ASTN2: variants seen among roughly 807,000 people sequenced by gnomAD.
ASTN2 encodes astrotactin 2.
In ASTN2, 54 loss-of-function variants were observed where a neutral mutation model predicts 139.8. The ratio of observed to expected loss-of-function variants is 0.39; its 90% CI spans 0.31 to 0.48. ASTN2 has a LOEUF of 0.48. Ranked by LOEUF, ASTN2 falls within the 20% of genes least tolerant of loss-of-function variation. ASTN2 has a pLI of 0.95. For synonymous variants in ASTN2, 756 were observed against 719.5 expected, an observed-to-expected ratio of 1.05 and a Z score of -0.81; for missense variants, 1,565 against 1,725.1, an observed-to-expected ratio of 0.91 and a Z score of 1.64.
At chr9:116,983,743 G>A (rs1364608908) in intron 7 of ASTN2, among the ~76,000 whole-genome samples, 2 of 152,156 alleles carry the variant, frequency 1.3e-5, no homozygotes, top group African/African-American at 4.8e-5. Context: ...AATAATCAAA[G>A]TTGGAAATAT....
At chr9:117,155,425 G>A (rs766238423) in intron 3 of ASTN2, among the ~76,000 whole-genome samples, 7 of 151,936 alleles carry the variant, frequency 4.6e-5, no homozygotes, top group Non-Finnish European at 8.8e-5. Context: ...ACGGGTGGAC[G>A]GGTCTTGAAG....
intron 2 of ASTN2, among the ~76,000 whole-genome samples, chr9:117,244,204 T>G (rs1350834471): frequency 6.6e-6 from 1 of 152,204 alleles, no homozygotes; most frequent in Non-Finnish European, 1.5e-5. Flanking sequence ...TGTGAGTCAA[T>G]TAAAATTCCC....
intron 16 of ASTN2, among the ~76,000 whole-genome samples, chr9:116,676,195 C>CA (rs1452859594): frequency 6.6e-6 from 1 of 152,016 alleles, no homozygotes; most frequent in African/African-American, 2.4e-5. Context: ...GATATGCCAG[C>CA]AAAAAGGGTA....
At chr9:117,256,141 C>T (rs766447819) in intron 2 of ASTN2, among the ~76,000 whole-genome samples, 17 of 152,204 alleles carry the variant, frequency 1.1e-4, no homozygotes, top group East Asian at 9.7e-4. Flanking sequence ...TTTGATGATG[C>T]GGAATGGGGA....
intron 10 of ASTN2, among the ~76,000 whole-genome samples, chr9:116,900,531 C>A (rs943243900): frequency 4.6e-5 from 7 of 152,202 alleles, no homozygotes; most frequent in African/African-American, 1.7e-4. Flanking sequence ...GCTTAACCCT[C>A]AGAAATGAAA....
chr9:116,820,837 A>G, intron 11 of ASTN2, 54 bp from the exon 12 acceptor site: 5 of 1,533,734 alleles, frequency 3.3e-6, no homozygotes, highest in Non-Finnish European at 4.4e-6. Flanking sequence ...TGTAGGCCCC[A>G]TCACACCCTC....
At chr9:116,607,814 A>C (rs1391543309) in intron 19 of ASTN2, among the ~76,000 whole-genome samples, 1 of 152,056 alleles carries the variant, frequency 6.6e-6, no homozygotes, top group Non-Finnish European at 1.5e-5. Flanking sequence ...ACAAAAAATT[A>C]GCCAGGCATG....
chr9:116,610,651 C>A (rs375018964), intron 19 of ASTN2, among the ~76,000 whole-genome samples: 2 of 151,926 alleles, frequency 1.3e-5, no homozygotes, highest in Non-Finnish European at 2.9e-5. Context: ...GACTTTAACA[C>A]TAATCAAAAG....
intron 1 of ASTN2, among the ~76,000 whole-genome samples, chr9:117,344,202 C>T (rs1207504455): frequency 6.6e-6 from 1 of 152,090 alleles, no homozygotes; most frequent in Non-Finnish European, 1.5e-5. Context: ...AAACCCATCC[C>T]CAAAAGCAGC....
At chr9:116,815,828 A>AAAAAAAAAAAAAAAAAAAAG (rs1554750237) in intron 12 of ASTN2, among the ~76,000 whole-genome samples, 1 of 145,878 alleles carries the variant, frequency 6.9e-6, no homozygotes, top group Non-Finnish European at 1.5e-5. Flanking sequence ...AAAAAAAAAA[A>AAAAAAAAAAAAAAAAAAAAG]GTTGATGAAA....
intron 22 of ASTN2, among the ~76,000 whole-genome samples, chr9:116,436,435 T>C (rs1211119327): frequency 2.0e-5 from 3 of 152,202 alleles, no homozygotes; most frequent in Non-Finnish European, 4.4e-5. Context: ...TTAAATCATC[T>C]CATTACTCAA....
chr9:117,194,746 T>A (rs1331194936), intron 3 of ASTN2, among the ~76,000 whole-genome samples: 1 of 152,234 alleles, frequency 6.6e-6, no homozygotes, highest in East Asian at 1.9e-4. Context: ...TAAAGCTGGG[T>A]TCAAATTCTG....
chr9:117,040,500 C>T (rs923360204), intron 5 of ASTN2, among the ~76,000 whole-genome samples: 7 of 152,114 alleles, frequency 4.6e-5, no homozygotes, highest in African/African-American at 1.2e-4. Flanking sequence ...GCTTTGTCGC[C>T]CAGGCTAGAG....
In ASTN2 at chr9:117,329,768, C is replaced by T. The variant is rs78616318; in HGVS notation, c.443-38255G>A. 5.5e-3 allele frequency among the ~76,000 whole-genome samples: 832 copies of T among 152,260 alleles called. 9 individuals carry two copies. The highest frequency in any genetic ancestry group is 0.019 in the African/African-American group (792 of 41,562). ...AAATTCAGAGCCCAGAAAAGATAGA[C>T]GACTGTGATGAAAATAGCTACCATT... On this transcript the variant is annotated intron_variant, in intron 1 of 22. Coordinates refer to ENST00000313400, the MANE Select transcript of ASTN2 (RefSeq NM_001365068.1).
At chr9:116,704,324 G>C (rs1231139765) in intron 16 of ASTN2, among the ~76,000 whole-genome samples, 1 of 127,346 alleles carries the variant, frequency 7.9e-6, no homozygotes, top group Non-Finnish European at 1.8e-5. Flanking sequence ...GTTTACATTA[G>C]AATAGTAGAA....
chr9:117,213,838 A>G (rs1248207523), intron 3 of ASTN2, among the ~76,000 whole-genome samples: 2 of 152,188 alleles, frequency 1.3e-5, no homozygotes, highest in Non-Finnish European at 2.9e-5. Flanking sequence ...AATGCTTTAT[A>G]TGAGACTATT....
intron 2 of ASTN2, among the ~76,000 whole-genome samples, chr9:117,275,349 C>T (rs1421661836): frequency 1.3e-5 from 2 of 152,168 alleles, no homozygotes; most frequent in Non-Finnish European, 2.9e-5. Flanking sequence ...TCTGCCCACA[C>T]TGCCATCACA....
chr9:116,739,469 TCTCTGGAATTTGCCCTCC>T (rs11268340), intron 13 of ASTN2, among the ~76,000 whole-genome samples: 82,383 of 151,138 alleles, frequency 0.55, 23,705 homozygotes, highest in Admixed American at 0.66. Flanking sequence ...ATTTGCCCTC[TCTCTGGAATTTGCCCTCC>T]CTCTGGAATT....
intron 1 of ASTN2, among the ~76,000 whole-genome samples, chr9:117,402,494 G>T (rs977053872): frequency 2.0e-5 from 3 of 152,186 alleles, no homozygotes; most frequent in African/African-American, 7.2e-5. Flanking sequence ...GAGATGGGAA[G>T]ATGTGGGTAG....
Sources: allele counts gnomAD v4.1 joint callset (sites outside exome capture counted in the v4.1 genomes callset), GRCh38; gene constraint gnomAD v4.1.1; transcripts MANE v1.5; gene names NCBI Gene and HGNC (gene_info 2026-07-23, HGNC 2026-07-21).